The following BACH2 variants were observed in gnomAD, a reference collection of about 807,000 sequenced individuals.
The protein encoded by BACH2 is BACH transcriptional regulator 2.
In BACH2, 5 loss-of-function variants were observed where a neutral mutation model predicts 61.8. The ratio of observed to expected loss-of-function variants is 0.08; its 90% CI spans 0.04 to 0.17. BACH2 has a LOEUF of 0.17. BACH2 is among the 10% of genes least tolerant of loss of function. BACH2 has a pLI of 1.00. For missense variants in BACH2, 824 were observed against 1,091.1 expected (o/e 0.76, Z 3.45); for synonymous variants, 446 against 440.1 (o/e 1.01, Z -0.17).
intron 4 of BACH2, among the ~76,000 whole-genome samples, chr6:90,176,212 G>A (rs1767978623): frequency 6.6e-6 from 1 of 152,108 alleles, no homozygotes; most frequent in Non-Finnish European, 1.5e-5. Context: ...TATCCAACAT[G>A]TACATTCTTA....
chr6:90,206,246 A>G (rs932489253), intron 4 of BACH2, among the ~76,000 whole-genome samples: 1 of 152,202 alleles, frequency 6.6e-6, no homozygotes, highest in African/African-American at 2.4e-5. Flanking sequence ...TAGCATCCCA[A>G]AAAAGTGATA....
chr6:90,015,262 A>T (rs942181199), intron 5 of BACH2, among the ~76,000 whole-genome samples: 2 of 151,236 alleles, frequency 1.3e-5, no homozygotes, highest in Non-Finnish European at 3.0e-5. Context: ...AAATTATTCT[A>T]TTTTCTAGTT....
intron 4 of BACH2, among the ~76,000 whole-genome samples, chr6:90,138,276 G>A (rs1194327367): frequency 1.3e-5 from 2 of 152,212 alleles, no homozygotes; most frequent in African/African-American, 2.4e-5. Context: ...GTCGAGGCGG[G>A]TGGATCACCC....
At chr6:90,195,856 G>C (rs1768739932) in intron 4 of BACH2, among the ~76,000 whole-genome samples, 1 of 152,104 alleles carries the variant, frequency 6.6e-6, no homozygotes, top group Non-Finnish European at 1.5e-5. Context: ...CCCCCTTCCA[G>C]CTCCTCCACT....
At chr6:90,085,151 C>A (rs549104244) in intron 5 of BACH2, among the ~76,000 whole-genome samples, 3 of 152,258 alleles carry the variant, frequency 2.0e-5, no homozygotes, top group Non-Finnish European at 4.4e-5. Context: ...TACAATAATA[C>A]CCATAAGTAC....
intron 8 of BACH2, among the ~76,000 whole-genome samples, chr6:89,936,426 G>A (rs1773027023): frequency 2.0e-5 from 3 of 152,178 alleles, no homozygotes; most frequent in Non-Finnish European, 2.9e-5. Context: ...ACAGGTGTGA[G>A]CCATGGTGCC....
rs1178778194 is a variant in BACH2, at chr6:89,932,579, G to A, written c.2355C>T (p.Asn785=). The change falls in exon 9 of 9, where the codon AAC becomes AAT. Residue 785 remains asparagine, a synonymous_variant. Transcript: ENST00000257749. ...TCCCAGAGGTACAATTCTCGGAGGT[G>A]TTGCTGGGTGCCCAGGGGGGTCCGG... ...APPGPPWAPS[N]TSENCTSGRR... 2 of 1,614,116 alleles carry A rather than the reference G, an allele frequency of 1.2e-6. No individual in the cohort carries two copies. The highest frequency in any genetic ancestry group is 1.7e-5 in the Admixed American group (1 of 60,014).
intron 5 of BACH2, among the ~76,000 whole-genome samples, chr6:90,021,721 C>T (rs562873988): frequency 1.3e-5 from 2 of 152,276 alleles, no homozygotes; most frequent in South Asian, 4.1e-4. Context: ...GGATTGGAAA[C>T]ACTTTCTAAT....
At chr6:90,053,219 C>T (rs377707372) in intron 5 of BACH2, among the ~76,000 whole-genome samples, 1 of 152,132 alleles carries the variant, frequency 6.6e-6, no homozygotes, top group African/African-American at 2.4e-5. Context: ...AATTTCTTTG[C>T]TTACAATTTC....
intron 5 of BACH2, among the ~76,000 whole-genome samples, chr6:90,023,548 T>A (rs916949593): frequency 1.3e-4 from 20 of 152,288 alleles, no homozygotes; most frequent in Non-Finnish European, 2.4e-4. Context: ...TTAAACCTCT[T>A]TTCTTTATAA....
intron 7 of BACH2, among the ~76,000 whole-genome samples, chr6:89,939,776 TGCCTTGGCCTCCCA>T (rs922395388): frequency 6.7e-6 from 1 of 150,058 alleles, no homozygotes; most frequent in Non-Finnish European, 1.5e-5. Flanking sequence ...GCAATCCTCT[TGCCTTGGCCTCCCA>T]AGTAGCTGGG....
chr6:89,992,961 G>A (rs1776659528), intron 6 of BACH2, among the ~76,000 whole-genome samples: 1 of 152,192 alleles, frequency 6.6e-6, no homozygotes, highest in Admixed American at 6.5e-5. Context: ...TCACAAGGGT[G>A]GGGCCCTAAT....
intron 3 of BACH2, among the ~76,000 whole-genome samples, chr6:90,215,774 CTCA>C (rs528722293): frequency 5.1e-4 from 77 of 152,284 alleles, no homozygotes; most frequent in African/African-American, 1.9e-3. Flanking sequence ...CTTTCACTAA[CTCA>C]TCCTCATTAC....
chr6:90,245,216 T>C (rs924710029), intron 3 of BACH2, among the ~76,000 whole-genome samples: 1 of 151,648 alleles, frequency 6.6e-6, no homozygotes, highest in Non-Finnish European at 1.5e-5. Flanking sequence ...AAAAAAGGCT[T>C]TAGTACTTTT....
intron 4 of BACH2, among the ~76,000 whole-genome samples, chr6:90,104,747 GAT>G (rs1782824079): frequency 6.6e-6 from 1 of 152,212 alleles, no homozygotes. Context: ...TATTTACAGA[GAT>G]ATGCATGTAT....
rs964657803 is a variant in BACH2, at chr6:90,295,967, C to T, written c.-446+513G>A. On this transcript the variant is annotated intron_variant, in intron 1 of 8. Coordinates refer to ENST00000257749, the MANE Select transcript of BACH2 (RefSeq NM_021813.4). The stretch of plus-strand genomic sequence containing the variant: ...CGCGGCCAAGGTCCTCGCGGAGCAG[C>T]CCGGGATGCGCACGCCGAGGGTTAA... Among the ~76,000 whole-genome samples the T allele has an allele frequency of 1.1e-4, 17 of 152,136 alleles. No individual in the cohort carries two copies. The East Asian group carries it at 2.6e-3, about 23-fold the overall frequency.
rs776001544 is a variant in BACH2 at position 89,951,718 on chromosome 6, G to T, written c.388C>A (p.Gln130Lys). The change falls in exon 7 of 9, where the codon CAG becomes AAG. Residue 130 changes from glutamine (Q) to lysine (K), a missense_variant. By Grantham distance (53) the Gln-to-Lys change is moderately conservative. Around this residue, in one of 8 missense-constraint regions of BACH2, gnomAD observed 107 missense variants for 121.7 expected, o/e 0.88. Transcript: ENST00000257749. This position sits in a 1 kb window ranked among gnomAD's most constrained non-coding sequence, Gnocchi z 6.4. ...TCCTCACTGTTCAGGAGCTGGGTCT[G>T]CAGGAAGCTGAAGCAGGAGTCCTCC... Reference protein sequence around the residue: ...NLEDSCFSFLQTQLLNSEDGL... With the variant: ...NLEDSCFSFLKTQLLNSEDGL... The T allele has an allele frequency of 1.2e-6, 2 of 1,614,248 alleles. No homozygotes were observed. Among genetic ancestry groups the T allele is most frequent in the Middle Eastern group, 1.6e-4 (1 of 6,062 alleles).
At chr6:90,140,008 G>A (rs1228644950) in intron 4 of BACH2, among the ~76,000 whole-genome samples, 1 of 152,132 alleles carries the variant, frequency 6.6e-6, no homozygotes, top group African/African-American at 2.4e-5. Context: ...CATTCATCAG[G>A]ACCCAAGCTC....
chr6:89,970,121 G>C (rs1037191923), intron 6 of BACH2, among the ~76,000 whole-genome samples: 14 of 152,220 alleles, frequency 9.2e-5, no homozygotes, highest in Admixed American at 6.5e-4. Flanking sequence ...GTGTCTAAAA[G>C]CAACTCCAAC....
Sources: allele counts gnomAD v4.1 joint callset (sites outside exome capture counted in the v4.1 genomes callset), GRCh38; gene constraint gnomAD v4.1.1; regional missense constraint gnomAD v4.1.1; non-coding constraint Gnocchi (gnomAD v3.1); transcripts MANE v1.5; gene names NCBI Gene and HGNC (gene_info 2026-07-23, HGNC 2026-07-21).